The following UBE2D3 variants were observed in gnomAD, a reference collection of about 807,000 sequenced individuals.
UBE2D3 encodes ubiquitin conjugating enzyme E2 D3.
UBE2D3 carries 2 observed loss-of-function variants against 22.8 expected under a neutral mutation model. The observed-to-expected ratio is 0.09, with a 90% CI of 0.04 to 0.28. UBE2D3 has a LOEUF of 0.28. Ranked by LOEUF, UBE2D3 falls within the 10% of genes least tolerant of loss-of-function variation. UBE2D3 has a pLI of 1.00. For missense variants in UBE2D3, 27 were observed against 182.5 expected (o/e 0.15, Z 4.91); for synonymous variants, 56 against 60.4 (o/e 0.93, Z 0.34).
intron 1 of UBE2D3, among the ~76,000 whole-genome samples, chr4:102,857,084 G>T (rs1400521392): frequency 6.6e-6 from 1 of 152,180 alleles, no homozygotes; most frequent in Non-Finnish European, 1.5e-5. Flanking sequence ...TGGTTCATCA[G>T]TTGTGACAAA....
chr4:102,830,248 A>G (rs370723692), upstream of UBE2D3, among the ~76,000 whole-genome samples: 3 of 152,282 alleles, frequency 2.0e-5, no homozygotes, highest in East Asian at 3.8e-4. Flanking sequence ...AGTTGCAAAT[A>G]AAGTTAAAAC....
chr4:102,851,361 T>C (rs1032941963), intron 1 of UBE2D3, among the ~76,000 whole-genome samples: 6 of 152,212 alleles, frequency 3.9e-5, no homozygotes, highest in African/African-American at 1.4e-4. Context: ...GAGACCACTA[T>C]GTTATAAATC....
intron 7 of UBE2D3, among the ~76,000 whole-genome samples, chr4:102,798,367 C>T: frequency 6.9e-6 from 1 of 145,786 alleles, no homozygotes. Context: ...AAATATGGTC[C>T]AACAACTTTC....
At chr4:102,821,697 T>G (rs1261825212) in intron 2 of UBE2D3, among the ~76,000 whole-genome samples, 1 of 152,110 alleles carries the variant, frequency 6.6e-6, no homozygotes, top group Non-Finnish European at 1.5e-5. Flanking sequence ...ATGCTCGAGG[T>G]ATATACCCCA....
chr4:102,824,120 T>C (rs1730063216), intron 2 of UBE2D3, among the ~76,000 whole-genome samples: 1 of 152,220 alleles, frequency 6.6e-6, no homozygotes, highest in Non-Finnish European at 1.5e-5. Flanking sequence ...CCAAACCACA[T>C]GCACACGTCA....
At chr4:102,799,077 A>C in intron 7 of UBE2D3, 1 of 1,308,744 alleles carries the variant, frequency 7.6e-7, no homozygotes. Flanking sequence ...AATTTAGACC[A>C]AATTTTTACA....
In UBE2D3 at chr4:102,857,247, T is replaced by C. The variant is rs142328736; in HGVS notation, c.-129+11468A>G. Among the ~76,000 whole-genome samples the C allele has an allele frequency of 1.9e-4, 29 of 152,326 alleles. No individual in the cohort carries two copies. The East Asian group carries it at 5.2e-3, about 27-fold the overall frequency. On this transcript the variant is annotated intron_variant, in intron 1 of 7. Transcript: ENST00000338145. ...GAAAAAACTTCATTTAGAAAAACTA[T>C]TCTTAAAGCTTTGTATAGAATATTT...
intron 1 of UBE2D3, among the ~76,000 whole-genome samples, chr4:102,852,124 A>G (rs765953040): frequency 6.6e-6 from 1 of 152,116 alleles, no homozygotes; most frequent in South Asian, 2.1e-4. Flanking sequence ...AAGAAGAGGT[A>G]TACTCTTTTA....
chr4:102,831,254 T>C (rs1382752319), upstream of UBE2D3, among the ~76,000 whole-genome samples: 1 of 152,230 alleles, frequency 6.6e-6, no homozygotes, highest in African/African-American at 2.4e-5. Flanking sequence ...TTATTTTACA[T>C]TGTTTGCACA....
rs72663163 is a variant in UBE2D3, at chr4:102,825,464, T to A, written c.24+1021A>T. On this transcript the variant is annotated intron_variant, in intron 2 of 7. Transcript: ENST00000453744. ...GATATAAAAGTTAACATTTAACAAATCATATTAATTCACATTATTACGAAA... is the reference window on the plus strand; with the variant it reads ...GATATAAAAGTTAACATTTAACAAAACATATTAATTCACATTATTACGAAA... The A allele has an allele frequency of 4.2e-3, 4,764 of 1,142,648 alleles. 9 individuals are homozygous for A. The highest frequency in any genetic ancestry group is 4.5e-3 in the Non-Finnish European group (4,170 of 918,520). 70.8% of individuals were successfully genotyped at this position (1,142,648 alleles called of 1,614,324 possible).
At chr4:102,802,407 C>T in intron 5 of UBE2D3, 154 bp downstream of exon 5, 1 of 493,166 alleles carries the variant, frequency 2.0e-6, no homozygotes, top group Non-Finnish European at 3.5e-6. Flanking sequence ...TGAGGTCTAG[C>T]TCTTTAAACC....
intron 2 of UBE2D3, chr4:102,819,521 A>G (rs1729256213): frequency 1.0e-6 from 1 of 980,058 alleles, no homozygotes; most frequent in South Asian, 4.7e-5. Context: ...TGTTCATCAG[A>G]TCAACATAAC....
At position 102,826,357 on chromosome 4, in the gene UBE2D3, TC is replaced by T. The variant is rs1560873971; in HGVS notation, c.24+127del. ...TCAAGAAGTATATCTGCGTTCTCCA[TC>T]CCCCCATGGAAGAAGTGATCCAAGA... On this transcript the variant is annotated intron_variant, in intron 2 of 7. Transcript: ENST00000453744. The T allele has an allele frequency of 1.0e-5, 12 of 1,177,584 alleles. No individual in the cohort carries two copies. The African/African-American group carries it at 1.2e-4, about 12-fold the overall frequency. 72.9% of individuals were successfully genotyped at this position (1,177,584 alleles called of 1,614,324 possible). A position where few individuals can be genotyped will look rare whatever the true frequency, so the allele number is the denominator to read the frequency against.
At chr4:102,806,381 T>G (rs1478107071) in intron 4 of UBE2D3, among the ~76,000 whole-genome samples, 5 of 152,170 alleles carry the variant, frequency 3.3e-5, no homozygotes, top group Non-Finnish European at 7.3e-5. Flanking sequence ...CACCCATATA[T>G]CTAACATTTA....
intron 1 of UBE2D3, among the ~76,000 whole-genome samples, chr4:102,864,669 A>T (rs1237601667): frequency 6.6e-6 from 1 of 152,240 alleles, no homozygotes; most frequent in Admixed American, 6.5e-5. Context: ...TAAGTTTTTC[A>T]TACAACTTGA....
At chr4:102,866,841 C>A (rs1733166489) in intron 1 of UBE2D3, among the ~76,000 whole-genome samples, 1 of 152,156 alleles carries the variant, frequency 6.6e-6, no homozygotes, top group African/African-American at 2.4e-5. Flanking sequence ...CCAACCTACC[C>A]CTACCTCAAC....
At chr4:102,808,206 G>A (rs1044615428) in intron 4 of UBE2D3, among the ~76,000 whole-genome samples, 7 of 152,174 alleles carry the variant, frequency 4.6e-5, no homozygotes, top group African/African-American at 1.7e-4. Context: ...GGAGGCAGCT[G>A]TCATTCCATC....
chr4:102,818,868 T>C (rs1214746984), intron 2 of UBE2D3, among the ~76,000 whole-genome samples: 5 of 152,162 alleles, frequency 3.3e-5, no homozygotes, highest in African/African-American at 9.7e-5. Flanking sequence ...GATTTAACAG[T>C]TGATTGTTGG....
chr4:102,851,876 T>G (rs1428797714), intron 1 of UBE2D3, among the ~76,000 whole-genome samples: 1 of 151,890 alleles, frequency 6.6e-6, no homozygotes, highest in African/African-American at 2.4e-5. Flanking sequence ...ACAGTATTGG[T>G]CAGGCTGGTC....
Sources: gnomAD v4.1 joint callset for allele counts (sites outside exome capture counted in the v4.1 genomes callset) on GRCh38, gnomAD v4.1.1 for gene constraint, MANE v1.5 for transcripts, NCBI Gene and HGNC (gene_info 2026-07-23, HGNC 2026-07-21) for gene names.